ZFHX3: variants seen among roughly 807,000 people sequenced by gnomAD.
ZFHX3 encodes the protein zinc finger homeobox protein 3.
Under a neutral mutation model 279.1 loss-of-function variants are expected in ZFHX3, and 42 were observed. That is an observed-to-expected ratio of 0.15 (90% CI 0.12 to 0.19). The LOEUF is 0.19. Among genes scored for constraint, ZFHX3 ranks in the 10% least tolerant of loss-of-function variants. ZFHX3 has a pLI of 1.00. For missense variants in ZFHX3, 4,981 were observed against 4,754.0 expected (o/e 1.05, Z -1.40); for synonymous variants, 2,293 against 1,957.8 (o/e 1.17, Z -4.52).
upstream of ZFHX3, among the ~76,000 whole-genome samples, chr16:73,051,620 T>A (rs927025724): frequency 1.3e-5 from 2 of 152,172 alleles, no homozygotes; most frequent in African/African-American, 4.8e-5. Context: ...CCTCCCCAGC[T>A]CAGGTGCTAA....
At chr16:73,358,117 G>A (rs2016375009) in intron 3 of ZFHX3, among the ~76,000 whole-genome samples, 1 of 152,216 alleles carries the variant, frequency 6.6e-6, no homozygotes, top group Non-Finnish European at 1.5e-5. Flanking sequence ...TCAAGTGTCA[G>A]CTTAGGAGCT....
At chr16:73,799,934 T>C (rs1960095632) in intron 1 of ZFHX3, among the ~76,000 whole-genome samples, 1 of 152,054 alleles carries the variant, frequency 6.6e-6, no homozygotes, top group Non-Finnish European at 1.5e-5. Flanking sequence ...AGTGCCCTCA[T>C]CTGGAATCCC....
At chr16:72,846,580 G>T (rs2037486306) in intron 4 of ZFHX3, among the ~76,000 whole-genome samples, 1 of 152,236 alleles carries the variant, frequency 6.6e-6, no homozygotes, top group Non-Finnish European at 1.5e-5. Flanking sequence ...CACTCCCTCT[G>T]CTGGGTAAGG....
rs181137264 is a variant in ZFHX3 at position 73,122,215 on chromosome 16, T to C, written c.-897+8753A>G. On this transcript the variant is annotated intron_variant, in intron 7 of 17. Coordinates refer to the ZFHX3 transcript ENST00000641206. ...ATATAATTTCACATACAACTGCTCTTTTTTTTTTAAGATGGAGTCTCACTC... is the reference window on the plus strand; with the variant it reads ...ATATAATTTCACATACAACTGCTCTCTTTTTTTTAAGATGGAGTCTCACTC... 1.3e-4 allele frequency among the ~76,000 whole-genome samples: 20 copies of C among 150,810 alleles called. No individual in the cohort carries two copies. The East Asian group carries it at 2.7e-3, about 21-fold the overall frequency.
chr16:72,993,152 A>G (rs1388713014), intron 1 of ZFHX3, among the ~76,000 whole-genome samples: 2 of 152,172 alleles, frequency 1.3e-5, no homozygotes, highest in South Asian at 2.1e-4. Context: ...ACAAACAAAA[A>G]AAACAAGAAC....
intron 1 of ZFHX3, among the ~76,000 whole-genome samples, chr16:73,716,606 A>C (rs2053416488): frequency 7.8e-6 from 1 of 128,322 alleles, no homozygotes; most frequent in African/African-American, 3.0e-5. Context: ...CAGAATTCTT[A>C]CTCTGAACAC....
chr16:73,262,399 T>G (rs900737318), intron 4 of ZFHX3, among the ~76,000 whole-genome samples: 4 of 152,170 alleles, frequency 2.6e-5, no homozygotes, highest in African/African-American at 9.7e-5. Flanking sequence ...GCCATGGCTT[T>G]TAGAGTCAGG....
At chr16:73,306,707 T>C (rs1448705857) in intron 4 of ZFHX3, among the ~76,000 whole-genome samples, 1 of 152,214 alleles carries the variant, frequency 6.6e-6, no homozygotes, top group Non-Finnish European at 1.5e-5. Context: ...AGGTTCTCTG[T>C]GAGTGTAAGA....
In ZFHX3 at chr16:73,241,420, G is replaced by A. The variant is rs951887450; in HGVS notation, c.-1104+15627C>T. On this transcript the variant is annotated intron_variant, in intron 5 of 17. Coordinates refer to the ZFHX3 transcript ENST00000641206. ...AGAGGTACATGTGTTTTAGATGTCA[G>A]GAAAGGGGGTCACTCAGGCATGCAG... Among the ~76,000 whole-genome samples, 4 of 152,312 alleles carry A rather than the reference G, an allele frequency of 2.6e-5. No homozygotes were observed. In the East Asian group the frequency reaches 7.7e-4, roughly 29 times the overall value.
At chr16:73,691,923 G>C (rs748541521) in intron 1 of ZFHX3, among the ~76,000 whole-genome samples, 1 of 152,122 alleles carries the variant, frequency 6.6e-6, no homozygotes, top group African/African-American at 2.4e-5. Flanking sequence ...GGACATCAAT[G>C]GTAATATTGC....
In ZFHX3 at chr16:73,619,487, CA is replaced by C. The variant is rs147107485; in HGVS notation, c.-1547+60692del. Among the ~76,000 whole-genome samples, 774 of 136,298 alleles carry C rather than the reference CA, an allele frequency of 5.7e-3. 14 individuals carry two copies. The highest frequency in any genetic ancestry group is 0.013 in the African/African-American group (462 of 34,694). The allele number at this position is 136,298 out of a possible 152,430, so 89.4% of individuals were successfully genotyped here. A position where few individuals can be genotyped will look rare whatever the true frequency, so the allele number is the denominator to read the frequency against. Reference sequence around the variant, plus strand: ...TGGGTGACAGAGCGATACTGTGTCTCAAAAAAAAAAAATTATATATATATAT... The same window carrying C: ...TGGGTGACAGAGCGATACTGTGTCTCAAAAAAAAAAATTATATATATATAT... On this transcript the variant is annotated intron_variant, in intron 2 of 17. Transcript: ENST00000641206.
chr16:72,896,658 G>GT (rs1210446154), intron 3 of ZFHX3, among the ~76,000 whole-genome samples: 1 of 152,158 alleles, frequency 6.6e-6, no homozygotes, highest in Non-Finnish European at 1.5e-5. Context: ...AAAAAAACGT[G>GT]TTCCTGTTAC....
chr16:73,630,890 C>G (rs2052462172), intron 2 of ZFHX3, among the ~76,000 whole-genome samples: 1 of 152,198 alleles, frequency 6.6e-6, no homozygotes, highest in Non-Finnish European at 1.5e-5. Flanking sequence ...GGGAATCATT[C>G]CCCAGAGAAA....
chr16:72,988,363 C>A (rs1456527153), intron 1 of ZFHX3, among the ~76,000 whole-genome samples: 1 of 152,190 alleles, frequency 6.6e-6, no homozygotes, highest in African/African-American at 2.4e-5. Flanking sequence ...CTGAAGGGTG[C>A]ATGCTTAGCT....
chr16:73,888,183 G>A (rs2030411578), intron 1 of ZFHX3, among the ~76,000 whole-genome samples: 1 of 152,142 alleles, frequency 6.6e-6, no homozygotes, highest in African/African-American at 2.4e-5. Flanking sequence ...GCTCACGTCA[G>A]GAATGAGTAA....
intron 3 of ZFHX3, among the ~76,000 whole-genome samples, chr16:72,940,086 T>A (rs921306089): frequency 2.0e-5 from 3 of 151,728 alleles, no homozygotes; most frequent in African/African-American, 7.3e-5. Context: ...ATTTTTTAAA[T>A]TTTTTTATAG....
chr16:73,018,530 C>T (rs1031019726), intron 1 of ZFHX3, among the ~76,000 whole-genome samples: 4 of 152,066 alleles, frequency 2.6e-5, no homozygotes, highest in Admixed American at 1.3e-4. Context: ...ACCCAGGAGG[C>T]AGAGACTGCA....
At chr16:73,714,414 C>A (rs1301408411) in intron 1 of ZFHX3, among the ~76,000 whole-genome samples, 1 of 152,138 alleles carries the variant, frequency 6.6e-6, no homozygotes, top group African/African-American at 2.4e-5. Flanking sequence ...GCCTCAACTT[C>A]AGATGCTTTC....
chr16:73,682,791 AG>A (rs2053024551), intron 1 of ZFHX3, among the ~76,000 whole-genome samples: 1 of 131,614 alleles, frequency 7.6e-6, no homozygotes, highest in Non-Finnish European at 1.5e-5. Flanking sequence ...TCATTTCAAA[AG>A]AAAGAAAGAA....
Sources: allele counts gnomAD v4.1 joint callset (sites outside exome capture counted in the v4.1 genomes callset), GRCh38; gene constraint gnomAD v4.1.1; transcripts MANE v1.5; gene names NCBI Gene and HGNC (gene_info 2026-07-23, HGNC 2026-07-21).